ELF1: variants seen among roughly 807,000 people sequenced by gnomAD.
ELF1 encodes the protein E74 like ETS transcription factor 1, also known as ETS-related transcription factor Elf-1.
A neutral mutation model predicts 59.9 loss-of-function variants in ELF1; 24 were observed. That is an observed-to-expected ratio of 0.40 (90% CI 0.29 to 0.56). ELF1 has a LOEUF of 0.56. Among genes scored for constraint, ELF1 ranks in the 20% least tolerant of loss-of-function variants. The pLI is 0.44. For synonymous variants in ELF1, 248 were observed against 266.2 expected (o/e 0.93, Z 0.67); for missense variants, 627 against 742.2 (o/e 0.84, Z 1.80).
At chr13:40,949,406 G>A (rs1388758209) in intron 5 of ELF1, among the ~76,000 whole-genome samples, 1 of 152,082 alleles carries the variant, frequency 6.6e-6, no homozygotes. Context: ...TGCCCAGGCT[G>A]GAGTGCAGTG....
Position 40,933,736 on chromosome 13 carries a change from T to C in ELF1, c.1549A>G (p.Asn517Asp), listed in dbSNP as rs1566162399. The C allele has an allele frequency of 6.2e-7, 1 of 1,614,284 alleles. No homozygotes were observed. The highest frequency in any genetic ancestry group is 1.1e-5 in the South Asian group (1 of 91,088). The change falls in exon 9 of 9, where the codon AAT (asparagine) becomes GAT (aspartate). Residue 517 changes from asparagine (N) to aspartate (D), a missense_variant. Transcript: ENST00000239882. ...VLTSNVQTIC[N>D]GTVSVASSPS... Reference sequence around the variant, plus strand: ...GAGGAAGCCACACTGACGGTTCCATTGCAAATGGTCTGAACATTGCTAGTA... The same window carrying C: ...GAGGAAGCCACACTGACGGTTCCATCGCAAATGGTCTGAACATTGCTAGTA...
At chr13:40,937,301 C>A (rs1202673230) in intron 8 of ELF1, among the ~76,000 whole-genome samples, 1 of 152,116 alleles carries the variant, frequency 6.6e-6, no homozygotes, top group Non-Finnish European at 1.5e-5. Context: ...CTAACACAGA[C>A]CATATAACAT....
intron 1 of ELF1, among the ~76,000 whole-genome samples, chr13:40,994,973 G>A (rs892677872): frequency 1.2e-4 from 19 of 152,146 alleles, no homozygotes; most frequent in Non-Finnish European, 2.6e-4. Flanking sequence ...CCAGGGATAT[G>A]TTGTTTCAAA....
chr13:41,020,092 A>G (rs143920742), upstream of ELF1, among the ~76,000 whole-genome samples: 1 of 152,326 alleles, frequency 6.6e-6, no homozygotes, highest in East Asian at 1.9e-4. Context: ...TTCTACATGT[A>G]TTTCAAGCCT....
At position 40,932,061 on chromosome 13, in the gene ELF1, C is replaced by T. The variant is rs1396785799; in HGVS notation, c.*1364G>A. 2.6e-5 allele frequency: 4 copies of T among 151,994 alleles called. No individual in the cohort carries two copies. The East Asian group carries it at 7.7e-4, about 29-fold the overall frequency. The allele number at this position is 151,994 out of a possible 1,614,324, so 9.4% of individuals were successfully genotyped here. A position where few individuals can be genotyped will look rare whatever the true frequency, so the allele number is the denominator to read the frequency against. On this transcript the variant is annotated 3_prime_UTR_variant, in exon 9 of 9. Coordinates refer to ENST00000239882, the MANE Select transcript of ELF1 (RefSeq NM_172373.4). Reference sequence around the variant, plus strand: ...TTTATATGATTTATTTAATAATAAACCAATTAAAGATACAAAAATGTTTAG... The same window carrying T: ...TTTATATGATTTATTTAATAATAAATCAATTAAAGATACAAAAATGTTTAG...
At chr13:41,059,389 C>T (rs185636842) in intron 1 of ELF1, among the ~76,000 whole-genome samples, 1 of 152,354 alleles carries the variant, frequency 6.6e-6, no homozygotes, top group Admixed American at 6.5e-5. Flanking sequence ...AGCAAACACA[C>T]AAATATTTGA....
At chr13:40,993,392 C>CT (rs1404356303) in intron 1 of ELF1, 2 of 839,918 alleles carry the variant, frequency 2.4e-6, no homozygotes, top group African/African-American at 3.4e-5. Flanking sequence ...ACCGATGGGT[C>CT]TGGGGGGAGC....
chr13:41,002,584 T>TA (rs749504259), intron 1 of ELF1, among the ~76,000 whole-genome samples: 1,882 of 117,004 alleles, frequency 0.016, 25 homozygotes, highest in African/African-American at 0.025. Flanking sequence ...GACCTTACCT[T>TA]AAAAAAAAAA....
exon 1 of ELF1, chr13:41,060,929 C>CGCCGCCGCCGCCGCCGCCGCCGCCGCT (rs1555283696): frequency 1.4e-5 from 5 of 363,516 alleles, no homozygotes; most frequent in African/African-American, 1.1e-4. Flanking sequence ...CCGCCGCCGC[C>CGCCGCCGCCGCCGCCGCCGCCGCCGCT]GCCGCCGCCG....
In ELF1 at chr13:40,933,666, C is replaced by T. The variant is rs765543962; in HGVS notation, c.1619G>A (p.Arg540His). ...TGGGTGAGCAACCAGCTGTGAACTGCGAGGAGAAAAGGTCACCACAGGTGC... is the reference window on the plus strand; with the variant it reads ...TGGGTGAGCAACCAGCTGTGAACTGTGAGGAGAAAAGGTCACCACAGGTGC... ...ATAPVVTFSP[R>H]SSQLVAHPPG... Residue 540 changes from arginine (R) to histidine (H), a missense_variant, in exon 9 of 9, where the codon CGC becomes CAC. Coordinates refer to ENST00000239882, the MANE Select transcript of ELF1 (RefSeq NM_172373.4). The T allele has an allele frequency of 2.3e-5, 37 of 1,614,042 alleles. No homozygotes were observed. The South Asian group carries it at 2.9e-4, about 12-fold the overall frequency.
chr13:41,060,990 C>G lies in ELF1; in HGVS notation c.-381G>C, dbSNP rs1034763285. 2 of 271,166 alleles carry G rather than the reference C, an allele frequency of 7.4e-6. 1 individual carries two copies. Among genetic ancestry groups the G allele is most frequent in the African/African-American group, 4.6e-5 (2 of 43,398 alleles). 16.8% of individuals were successfully genotyped at this position (271,166 alleles called of 1,614,324 possible). A position where few individuals can be genotyped will look rare whatever the true frequency, so the allele number is the denominator to read the frequency against. On this transcript the variant is annotated 5_prime_UTR_variant, in exon 1 of 2. Coordinates refer to the ELF1 transcript ENST00000405737. ...CCCGAGCTAGGGAACAAGCCCCATCCGAGCGCGTGGGCGTCGTAGGGGAGA... is the reference window on the plus strand; with the variant it reads ...CCCGAGCTAGGGAACAAGCCCCATCGGAGCGCGTGGGCGTCGTAGGGGAGA...
chr13:41,009,796 G>GA (rs1218209863), intron 1 of ELF1, among the ~76,000 whole-genome samples: 2 of 151,986 alleles, frequency 1.3e-5, no homozygotes, highest in African/African-American at 4.8e-5. Flanking sequence ...TTCTGGTTTA[G>GA]AAAGCTTGCA....
chr13:41,018,145 T>C (rs1269908445), intron 1 of ELF1, among the ~76,000 whole-genome samples: 1 of 152,238 alleles, frequency 6.6e-6, no homozygotes, highest in Non-Finnish European at 1.5e-5. Context: ...TTGGCAAGTT[T>C]TATATCCAAA....
Position 40,931,970 on chromosome 13 carries a change from T to C in ELF1, c.*1455A>G, listed in dbSNP as rs1311599528. On this transcript the variant is annotated 3_prime_UTR_variant, in exon 9 of 9. Coordinates refer to ENST00000239882, the MANE Select transcript of ELF1 (RefSeq NM_172373.4). ...TATAAACATTAAGTAATGCTGATGT[T>C]CTAGTAATATTCTCTGCACACTTAT... The C allele has an allele frequency of 6.6e-6, 1 of 152,242 alleles. No homozygotes were observed. Among genetic ancestry groups the C allele is most frequent in the Non-Finnish European group, 1.5e-5 (1 of 68,036 alleles). 9.4% of individuals were successfully genotyped at this position (152,242 alleles called of 1,614,324 possible).
rs1053082223 is a variant in ELF1 at position 40,997,565 on chromosome 13, C to CT, written c.-228-15284dup. Among the ~76,000 whole-genome samples, 808 of 150,228 alleles carry CT rather than the reference C, an allele frequency of 5.4e-3. 7 individuals carry two copies. Among genetic ancestry groups the CT allele is most frequent in the African/African-American group, 0.019 (774 of 40,916 alleles). On this transcript the variant is annotated intron_variant, in intron 1 of 8. Transcript: ENST00000239882. ...GCCACTGCACCCGGCCATCTTTTTT[C>CT]TTTTTTTTTAAGAGATGGAGTCTTG...
At chr13:41,011,721 G>A (rs1299353186) in intron 1 of ELF1, among the ~76,000 whole-genome samples, 1 of 152,120 alleles carries the variant, frequency 6.6e-6, no homozygotes, top group African/African-American at 2.4e-5. Flanking sequence ...TGGGATTACA[G>A]GCTTGAGCCA....
intron 1 of ELF1, among the ~76,000 whole-genome samples, chr13:41,055,566 G>C (rs1378629983): frequency 6.6e-6 from 1 of 151,816 alleles, no homozygotes; most frequent in African/African-American, 2.4e-5. Flanking sequence ...ACTATGTATT[G>C]TATCATAATT....
intron 1 of ELF1, among the ~76,000 whole-genome samples, chr13:41,051,975 C>T (rs1877108520): frequency 7.6e-6 from 1 of 131,026 alleles, no homozygotes; most frequent in Non-Finnish European, 1.5e-5. Context: ...CTCACTCAGT[C>T]TGTCGCCCAG....
intron 1 of ELF1, among the ~76,000 whole-genome samples, chr13:40,989,588 A>G (rs1873732806): frequency 6.6e-6 from 1 of 150,980 alleles, no homozygotes; most frequent in African/African-American, 2.4e-5. Flanking sequence ...TATTAATTCA[A>G]AACATTTTAA....
Sources: allele counts gnomAD v4.1 joint callset (sites outside exome capture counted in the v4.1 genomes callset), GRCh38; gene constraint gnomAD v4.1.1; transcripts MANE v1.5; gene names NCBI Gene and HGNC (gene_info 2026-07-23, HGNC 2026-07-21).